The following LINGO2 variants were observed in gnomAD, a reference collection of about 807,000 sequenced individuals.
LINGO2 encodes the protein leucine rich repeat and Ig domain containing 2.
In LINGO2, 14 loss-of-function variants were observed where a neutral mutation model predicts 30.6. The observed-to-expected ratio is 0.46, with a 90% CI of 0.30 to 0.72. LINGO2 has a LOEUF of 0.72. Among genes scored for constraint, LINGO2 ranks in the 30% least tolerant of loss-of-function variants. The pLI, the probability that LINGO2 is intolerant of heterozygous loss-of-function variation, is 0.07. For missense variants in LINGO2, 729 were observed against 751.7 expected (o/e 0.97, Z 0.35); for synonymous variants, 317 against 288.5 (o/e 1.10, Z -1.00).
chr9:29,155,556 C>CT, the LINGO2 span, among the ~76,000 whole-genome samples: 695 of 139,656 alleles, frequency 5.0e-3, 3 homozygotes, highest in African/African-American at 0.012. Flanking sequence ...GAGGGTTTTC[C>CT]TTTTTTTTTT....
intron 5 of LINGO2, among the ~76,000 whole-genome samples, chr9:27,978,078 C>T (rs1330941273): frequency 2.6e-5 from 4 of 151,984 alleles, no homozygotes; most frequent in Non-Finnish European, 4.4e-5. Context: ...AAAAGCCTCT[C>T]GGACCTGCTT....
In LINGO2 at chr9:27,967,234, A is replaced by C. The variant is rs183616200; in HGVS notation, c.-35-16528T>G. 8.5e-5 allele frequency among the ~76,000 whole-genome samples: 13 copies of C among 152,322 alleles called. No individual in the cohort carries two copies. The East Asian group carries it at 2.5e-3, about 29-fold the overall frequency. ...TGGCTTAAAACAATAGAAGTTTATT[A>C]GTTCTGCTCTGTGAAGACATCGAGG... On this transcript the variant is annotated intron_variant, in intron 5 of 5. Transcript: ENST00000379992.
chr9:28,532,278 G>A (rs1009265677), intron 1 of LINGO2, among the ~76,000 whole-genome samples: 1 of 152,056 alleles, frequency 6.6e-6, no homozygotes, highest in Non-Finnish European at 1.5e-5. Context: ...AAAAAAGAGA[G>A]GTTTCATATC....
At chr9:28,876,974 T>C in the LINGO2 span, among the ~76,000 whole-genome samples, 1 of 152,184 alleles carries the variant, frequency 6.6e-6, no homozygotes, top group Non-Finnish European at 1.5e-5. Flanking sequence ...CTCATTCTGG[T>C]TTTGATTTGC....
At chr9:28,038,416 G>T (rs1316488987) in intron 4 of LINGO2, among the ~76,000 whole-genome samples, 1 of 152,084 alleles carries the variant, frequency 6.6e-6, no homozygotes, top group Non-Finnish European at 1.5e-5. Flanking sequence ...GCTTATGGCT[G>T]GGCGCGGTGG....
At chr9:28,900,550 G>A in the LINGO2 span, among the ~76,000 whole-genome samples, 1 of 152,116 alleles carries the variant, frequency 6.6e-6, no homozygotes, top group African/African-American at 2.4e-5. Flanking sequence ...CTGCATACCC[G>A]GGTGCCAAGC....
chr9:27,997,403 C>T (rs1165142807), intron 5 of LINGO2, among the ~76,000 whole-genome samples: 1 of 152,166 alleles, frequency 6.6e-6, no homozygotes, highest in African/African-American at 2.4e-5. Flanking sequence ...CCCCCCTCCC[C>T]CCGTCATAAG....
the LINGO2 span, among the ~76,000 whole-genome samples, chr9:29,090,029 A>G: frequency 1.3e-5 from 2 of 152,058 alleles, no homozygotes; most frequent in African/African-American, 4.8e-5. Context: ...AAAAGTAACA[A>G]AACCTATTAT....
chr9:29,181,289 T>A, the LINGO2 span, among the ~76,000 whole-genome samples: 1 of 152,176 alleles, frequency 6.6e-6, no homozygotes, highest in Non-Finnish European at 1.5e-5. Flanking sequence ...AAATCACCAA[T>A]GGGTTCTTTG....
chr9:28,771,506 T>TGTGTGTGTGA, the LINGO2 span, among the ~76,000 whole-genome samples: 2 of 95,032 alleles, frequency 2.1e-5, no homozygotes, highest in African/African-American at 3.3e-5. Context: ...TGTGTGTGTG[T>TGTGTGTGTGA]GAGAGAGAGA....
At chr9:28,237,340 C>A (rs1821610502) in intron 4 of LINGO2, among the ~76,000 whole-genome samples, 1 of 151,446 alleles carries the variant, frequency 6.6e-6, no homozygotes, top group African/African-American at 2.4e-5. Context: ...AGAGAAAAAT[C>A]ACATTTATTA....
chr9:29,049,488 G>T, the LINGO2 span, among the ~76,000 whole-genome samples: 4,323 of 152,246 alleles, frequency 0.028, 79 homozygotes, highest in Middle Eastern at 0.068. Context: ...ATACCAAAGA[G>T]ATATCTCTAC....
chr9:29,023,838 G>C, the LINGO2 span, among the ~76,000 whole-genome samples: 1 of 152,078 alleles, frequency 6.6e-6, no homozygotes, highest in Non-Finnish European at 1.5e-5. Context: ...AATTATATCG[G>C]AAGCTATATA....
chr9:28,121,733 G>A (rs1156944924), intron 4 of LINGO2, among the ~76,000 whole-genome samples: 1 of 152,016 alleles, frequency 6.6e-6, no homozygotes, highest in Non-Finnish European at 1.5e-5. Context: ...TTTTACTTAA[G>A]GAAAAAAGCT....
intron 1 of LINGO2, among the ~76,000 whole-genome samples, chr9:28,598,039 G>C (rs1272018754): frequency 6.6e-6 from 1 of 152,046 alleles, no homozygotes; most frequent in Admixed American, 6.6e-5. Flanking sequence ...TGCTGGGATT[G>C]CAGGTGTGAG....
chr9:28,023,322 C>T (rs1823224896), intron 4 of LINGO2, among the ~76,000 whole-genome samples: 1 of 152,132 alleles, frequency 6.6e-6, no homozygotes. Context: ...AGAAGTTGAA[C>T]TGTGTTTAAT....
chr9:29,160,356 G>A, the LINGO2 span, among the ~76,000 whole-genome samples: 1 of 152,178 alleles, frequency 6.6e-6, no homozygotes, highest in Non-Finnish European at 1.5e-5. Context: ...CCATTTACTA[G>A]CTGTGGCAAG....
chr9:28,503,457 T>C (rs990070189), intron 1 of LINGO2, among the ~76,000 whole-genome samples: 1 of 152,004 alleles, frequency 6.6e-6, no homozygotes, highest in African/African-American at 2.4e-5. Flanking sequence ...TAGCATCACC[T>C]TTAGGGTGAT....
chr9:28,998,116 G>A, the LINGO2 span, among the ~76,000 whole-genome samples: 1 of 152,062 alleles, frequency 6.6e-6, no homozygotes, highest in Non-Finnish European at 1.5e-5. Context: ...AGTCAGAAAT[G>A]GCAAATCTAC....
Sources: allele counts gnomAD v4.1 joint callset (sites outside exome capture counted in the v4.1 genomes callset), GRCh38; gene constraint gnomAD v4.1.1; transcripts MANE v1.5; gene names NCBI Gene and HGNC (gene_info 2026-07-23, HGNC 2026-07-21).